The following ILRUN variants were observed in gnomAD, a reference collection of about 807,000 sequenced individuals.
ILRUN encodes inflammation and lipid regulator with UBA-like and NBR1-like domains.
Under a neutral mutation model 33.8 loss-of-function variants are expected in ILRUN, and 3 were observed. The ratio of observed to expected loss-of-function variants is 0.09; its 90% CI spans 0.04 to 0.23. The LOEUF (loss-of-function observed/expected upper bound fraction) is 0.23. Ranked by LOEUF, ILRUN falls within the 10% of genes least tolerant of loss-of-function variation. The pLI, the probability that ILRUN is intolerant of heterozygous loss-of-function variation, is 1.00. For missense variants in ILRUN, 210 were observed against 375.1 expected, an observed-to-expected ratio of 0.56 and a Z score of 3.64; for synonymous variants, 124 against 138.9, an observed-to-expected ratio of 0.89 and a Z score of 0.75.
intron 3 of ILRUN, among the ~76,000 whole-genome samples, chr6:34,621,367 C>A (rs1762009478): frequency 6.6e-6 from 1 of 152,132 alleles, no homozygotes; most frequent in Non-Finnish European, 1.5e-5. Flanking sequence ...TTTGTAACTT[C>A]TAATGAAATG....
chr6:34,660,423 A>T (rs540781057), intron 1 of ILRUN, among the ~76,000 whole-genome samples: 1 of 152,174 alleles, frequency 6.6e-6, no homozygotes, highest in African/African-American at 2.4e-5. Flanking sequence ...GAAACTCAAA[A>T]GAACACAAAT....
At chr6:34,593,286 C>T (rs189635937) in intron 4 of ILRUN, among the ~76,000 whole-genome samples, 182 of 152,270 alleles carry the variant, frequency 1.2e-3, no homozygotes, top group African/African-American at 4.2e-3. Context: ...GAAATATTTA[C>T]CCCTTTACCC....
At chr6:34,660,692 A>C (rs1762870170) in intron 1 of ILRUN, among the ~76,000 whole-genome samples, 1 of 152,154 alleles carries the variant, frequency 6.6e-6, no homozygotes, top group African/African-American at 2.4e-5. Flanking sequence ...AAGGCTCAGC[A>C]AAATAGATGC....
intron 3 of ILRUN, among the ~76,000 whole-genome samples, chr6:34,617,897 A>G (rs949682669): frequency 7.9e-5 from 12 of 152,250 alleles, no homozygotes; most frequent in Non-Finnish European, 1.6e-4. Context: ...TTCACGCAGG[A>G]AAGAAGAGAA....
rs757579186 is a variant in ILRUN at position 34,606,628 on chromosome 6, C to A, written c.788G>T (p.Arg263Ile). The A allele has an allele frequency of 6.2e-7, 1 of 1,614,166 alleles. No homozygotes were observed. The highest frequency in any genetic ancestry group is 8.5e-7 in the Non-Finnish European group (1 of 1,180,026). Residue 263 changes from arginine (R) to isoleucine (I), a missense_variant, in exon 4 of 5, where the codon AGA (arginine) becomes ATA (isoleucine). By Grantham distance (97) the Arg-to-Ile change is moderately conservative. Coordinates refer to ENST00000374023, the MANE Select transcript of ILRUN (RefSeq NM_024294.4). Reference protein sequence around the residue: ...APDQTEQDQNRLSQNSVNLSP... With the variant: ...APDQTEQDQNILSQNSVNLSP... Reference sequence around the variant, plus strand: ...CAGATTTACAGAGTTCTGTGACAGTCTATTCTGGTCTTGCTCAGTTTGGTC... The same window carrying A: ...CAGATTTACAGAGTTCTGTGACAGTATATTCTGGTCTTGCTCAGTTTGGTC...
chr6:34,653,518 T>C (rs1370058548), intron 2 of ILRUN, among the ~76,000 whole-genome samples: 1 of 152,124 alleles, frequency 6.6e-6, no homozygotes, highest in Non-Finnish European at 1.5e-5. Flanking sequence ...GCCACCATGC[T>C]CAGCCTATGG....
chr6:34,591,886 C>T (rs1310851969), intron 4 of ILRUN, among the ~76,000 whole-genome samples: 3 of 152,178 alleles, frequency 2.0e-5, no homozygotes, highest in Non-Finnish European at 4.4e-5. Context: ...TCTTCCCACG[C>T]TAGCTCTCCC....
At chr6:34,619,615 A>G (rs1761968779) in intron 3 of ILRUN, among the ~76,000 whole-genome samples, 1 of 152,106 alleles carries the variant, frequency 6.6e-6, no homozygotes, top group Non-Finnish European at 1.5e-5. Context: ...TCAGCCTTAC[A>G]AAGTGCGGGG....
Position 34,606,805 on chromosome 6 carries a change from C to T in ILRUN, c.611G>A (p.Arg204His), listed in dbSNP as rs772397191. 5.6e-6 allele frequency: 9 copies of T among 1,614,122 alleles called. No individual in the cohort carries two copies. Among genetic ancestry groups the T allele is most frequent in the Admixed American group, 1.7e-5 (1 of 60,016 alleles). Reference protein sequence around the residue: ...FETEFNTQPHRKVEGNFNPFA... With the variant: ...FETEFNTQPHHKVEGNFNPFA... ...AGGGTTGAAGTTTCCTTCTACCTTA[C>T]GATGCGGCTGTGTGTTGAACTCCGT... The change falls in exon 4 of 5, where the codon CGT (arginine) becomes CAT (histidine). Residue 204 changes from arginine to histidine, a missense_variant. Arg to His is a conservative substitution (Grantham distance 29). This residue lies in a region of ILRUN where 60 missense variants were observed against 138.1 expected (regional missense o/e 0.43). Transcript: ENST00000374023.
intron 3 of ILRUN, among the ~76,000 whole-genome samples, chr6:34,616,345 A>G (rs1160933940): frequency 6.6e-6 from 1 of 152,224 alleles, no homozygotes; most frequent in African/African-American, 2.4e-5. Flanking sequence ...ACTTCCCCTA[A>G]GGATTAAGAA....
At chr6:34,676,512 ATTT>A (rs1415586998) in intron 1 of ILRUN, among the ~76,000 whole-genome samples, 2 of 151,698 alleles carry the variant, frequency 1.3e-5, no homozygotes, top group African/African-American at 4.8e-5. Context: ...AGAGAGAGAG[ATTT>A]TTTTAAAGAC....
At chr6:34,656,277 T>C (rs1434249866) in intron 1 of ILRUN, among the ~76,000 whole-genome samples, 1 of 152,034 alleles carries the variant, frequency 6.6e-6, no homozygotes, top group East Asian at 1.9e-4. Flanking sequence ...AGTTTCTTTT[T>C]TGGAAGTATC....
rs1562033303 is a variant in ILRUN at position 34,683,504 on chromosome 6, A to ATATATG, written c.158+12941_158+12942insCATATA. 5.0e-5 allele frequency among the ~76,000 whole-genome samples: 5 copies of ATATATG among 99,282 alleles called. 1 individual carries two copies. The highest frequency in any genetic ancestry group is 2.9e-4 in the African/African-American group (5 of 17,252). 65.1% of individuals were successfully genotyped at this position (99,282 alleles called of 152,430 possible). The stretch of plus-strand genomic sequence containing the variant: ...TATATATACATATATATATACATAT[A>ATATATG]TATATATATACATATATATATATAC... On this transcript the variant is annotated intron_variant, in intron 1 of 4. Coordinates refer to ENST00000374023, the MANE Select transcript of ILRUN (RefSeq NM_024294.4).
intron 4 of ILRUN, among the ~76,000 whole-genome samples, chr6:34,604,233 C>CA (rs1329157818): frequency 6.6e-6 from 1 of 152,198 alleles, no homozygotes; most frequent in East Asian, 1.9e-4. Flanking sequence ...CATAGTCCAG[C>CA]CCTTCCAAAA....
At chr6:34,599,497 C>T (rs1005141449) in intron 4 of ILRUN, among the ~76,000 whole-genome samples, 1 of 152,066 alleles carries the variant, frequency 6.6e-6, no homozygotes, top group Non-Finnish European at 1.5e-5. Flanking sequence ...GGGTAAAAGG[C>T]CAGGCATGCT....
chr6:34,614,073 G>C (rs1405820256), intron 3 of ILRUN, among the ~76,000 whole-genome samples: 1 of 152,054 alleles, frequency 6.6e-6, no homozygotes, highest in South Asian at 2.1e-4. Context: ...GGAACAATTC[G>C]AGCAACATAA....
chr6:34,688,551 GC>G (rs1453739106), intron 1 of ILRUN, among the ~76,000 whole-genome samples: 1 of 152,132 alleles, frequency 6.6e-6, no homozygotes, highest in African/African-American at 2.4e-5. Flanking sequence ...AGTGGCTCAT[GC>G]CTGTAATCCC....
At chr6:34,591,559 G>A (rs916769703) in intron 4 of ILRUN, among the ~76,000 whole-genome samples, 1 of 151,464 alleles carries the variant, frequency 6.6e-6, no homozygotes, top group African/African-American at 2.4e-5. Context: ...CAGTGCAGTG[G>A]CACAATCTCA....
chr6:34,619,610 C>T (rs939693267), intron 3 of ILRUN, among the ~76,000 whole-genome samples: 2 of 152,156 alleles, frequency 1.3e-5, no homozygotes, highest in African/African-American at 2.4e-5. Flanking sequence ...CTGCCTCAGC[C>T]TTACAAAGTG....
Sources: gnomAD v4.1 joint callset for allele counts (sites outside exome capture counted in the v4.1 genomes callset) on GRCh38, gnomAD v4.1.1 for gene constraint, gnomAD v4.1.1 regional missense constraint, MANE v1.5 for transcripts, NCBI Gene and HGNC (gene_info 2026-07-23, HGNC 2026-07-21) for gene names.